Variants in MRPL4 observed in about 807,000 individuals in gnomAD.
MRPL4 encodes the protein mitochondrial ribosomal protein L4, also known as large ribosomal subunit protein uL4m.
MRPL4 carries 34 observed loss-of-function variants against 34.1 expected under a neutral mutation model. That is an observed-to-expected ratio of 1.00 (90% CI 0.76 to 1.33). MRPL4 has a LOEUF of 1.33. MRPL4 is among the 40% of genes most tolerant of loss of function. The probability of loss-of-function intolerance (pLI) is 0.00; values close to 1 mark genes in which losing one functional copy is unlikely to be tolerated. For synonymous variants in MRPL4, 196 were observed against 188.3 expected (o/e 1.04, Z -0.33); for missense variants, 402 against 434.6 (o/e 0.92, Z 0.67).
Position 10,253,341 on chromosome 19 carries a change from T to C in MRPL4, c.275+640T>C, listed in dbSNP as rs1484053902. 4.0e-5 allele frequency among the ~76,000 whole-genome samples: 6 copies of C among 148,204 alleles called. No homozygotes were observed. In the South Asian group the frequency reaches 1.3e-3, roughly 32 times the overall value. On this transcript the variant is annotated intron_variant, in intron 3 of 8. Coordinates refer to ENST00000253099, the MANE Select transcript of MRPL4 (RefSeq NM_015956.3). ...AATACAAAAAAAAATTAGCCGGGCG[T>C]GGTGGCGGGCGTCTGTAGTCCCAGG...
intron 8 of MRPL4, chr19:10,259,166 C>T (rs1054692012): frequency 4.0e-6 from 5 of 1,262,040 alleles, no homozygotes; most frequent in Non-Finnish European, 5.0e-6. Context: ...TCTGTTCCTT[C>T]CACAGCCACA....
intron 4 of MRPL4, 80 bp downstream of exon 4, chr19:10,254,720 C>T (rs1432274769): frequency 6.6e-7 from 1 of 1,514,474 alleles, no homozygotes; most frequent in Non-Finnish European, 9.2e-7. Context: ...AAGCCCATCG[C>T]TGGGTTTTCT....
chr19:10,252,161 G>A (rs908828067), upstream of MRPL4: 43 of 1,413,850 alleles, frequency 3.0e-5, no homozygotes, highest in African/African-American at 4.5e-5. Flanking sequence ...AGTCGCGGCG[G>A]GTAGGGCGGC....
intron 3 of MRPL4, among the ~76,000 whole-genome samples, chr19:10,253,581 A>G (rs2145466644): frequency 6.6e-6 from 1 of 152,008 alleles, no homozygotes; most frequent in Non-Finnish European, 1.5e-5. Flanking sequence ...ACTTGAAACC[A>G]GGAGTTGCAG....
chr19:10,254,543 C>T (rs200487654), intron 3 of MRPL4, 46 bp from the exon 4 acceptor site: 18 of 1,605,532 alleles, frequency 1.1e-5, no homozygotes, highest in Admixed American at 3.4e-5. Flanking sequence ...GGGGTGGGAG[C>T]GTTTGAAGCA....
At chr19:10,258,748 G>A (rs190200515) in intron 8 of MRPL4, 63 bp downstream of exon 8, 20 of 1,613,442 alleles carry the variant, frequency 1.2e-5, no homozygotes, top group South Asian at 1.2e-4. Flanking sequence ...GAATCACAGC[G>A]GTTCAAATCC....
intron 8 of MRPL4, 111 bp downstream of exon 8, chr19:10,258,796 G>A (rs1462897076): frequency 2.8e-5 from 45 of 1,605,960 alleles, no homozygotes; most frequent in Admixed American, 1.7e-4. Context: ...CAGTGACCAC[G>A]CTCCCGGACC....
intron 8 of MRPL4, chr19:10,259,090 T>G: frequency 8.2e-7 from 1 of 1,216,694 alleles, no homozygotes; most frequent in South Asian, 3.8e-5. Flanking sequence ...AGAGCTAGAC[T>G]CTTGTCTCAA....
chr19:10,252,847 A>T, intron 3 of MRPL4, 146 bp downstream of exon 3: 1 of 1,167,074 alleles, frequency 8.6e-7, no homozygotes, highest in East Asian at 2.6e-5. Context: ...GGGAATGATG[A>T]CAGTTTCCCC....
Position 10,252,698 on chromosome 19 carries a change from C to G in MRPL4, c.272C>G (p.Pro91Arg). ...CACCCCGATGTTTTCGCCACCGCGC[C>G]CAGGTGAGCGAGGGCTGTAATGGTG... ...DLHPDVFATAPRLDILHQVAM... is the reference protein window; with the variant it reads ...DLHPDVFATARRLDILHQVAM... Residue 91 changes from proline (P) to arginine (R), a missense_variant, in exon 3 of 9, where the codon CCC (proline) becomes CGC (arginine). By Grantham distance (103) the Pro-to-Arg change is moderately radical. Coordinates refer to ENST00000253099, the MANE Select transcript of MRPL4 (RefSeq NM_015956.3). 6.2e-7 allele frequency: 1 copy of G among 1,601,588 alleles called. No homozygotes were observed. Among genetic ancestry groups the G allele is most frequent in the Non-Finnish European group, 8.5e-7 (1 of 1,179,490 alleles).
At position 10,252,284 on chromosome 19, in the gene MRPL4, G is replaced by C; in HGVS notation, c.31G>C (p.Ala11Pro). The change falls in exon 1 of 9, where the codon GCC (alanine) becomes CCC (proline). Residue 11 changes from alanine to proline, a missense_variant. Coordinates refer to ENST00000253099, the MANE Select transcript of MRPL4 (RefSeq NM_015956.3). ...GCAGTTCGTCCGGGCCGGGGCGCGG[G>C]CCTGGCTTCGGCCTACCGGCAGCCA... MLQFVRAGAR[A>P]WLRPTGSQGL... The C allele has an allele frequency of 6.2e-7, 1 of 1,609,228 alleles. No homozygotes were observed. Among genetic ancestry groups the C allele is most frequent in the Admixed American group, 1.7e-5 (1 of 58,330 alleles).
chr19:10,254,640 T>C lies in MRPL4; in HGVS notation c.327T>C (p.Ile109=). 1 of 1,613,924 alleles carries C rather than the reference T, an allele frequency of 6.2e-7. No individual in the cohort carries two copies. Among genetic ancestry groups the C allele is most frequent in the Non-Finnish European group, 8.5e-7 (1 of 1,179,868 alleles). ...TGTGGCAGAAGAACTTCAAGAGAAT[T>C]GTGAGTGCCTAAATGGAGCAAGGTG... ...VAMWQKNFKR[I]SYAKTKTRAE... The change falls in exon 4 of 9, where the codon ATT becomes ATC. Residue 109 remains isoleucine, a splice_region_variant and synonymous_variant. Coordinates refer to ENST00000253099, the MANE Select transcript of MRPL4 (RefSeq NM_015956.3).
rs765006030 is a variant in MRPL4, at chr19:10,258,216, C to T, written c.446-6C>T. On this transcript the variant is annotated splice_polypyrimidine_tract_variant and splice_region_variant and intron_variant, in intron 5 of 8. Transcript: ENST00000253099. ...CCTACCTGCTCACATGCCTCTGTCC[C>T]CGCAGGAGGTGTTGCCCATGGCCCC... The T allele has an allele frequency of 1.2e-6, 2 of 1,607,170 alleles. No individual in the cohort carries two copies. The highest frequency in any genetic ancestry group is 1.7e-5 in the Admixed American group (1 of 59,974).
Position 10,253,776 on chromosome 19 carries a change from A to T in MRPL4, c.276-813A>T, listed in dbSNP as rs552089174. Among the ~76,000 whole-genome samples, 654 of 145,344 alleles carry T rather than the reference A, an allele frequency of 4.5e-3. 3 individuals are homozygous for T. Among genetic ancestry groups the T allele is most frequent in the African/African-American group, 0.016 (626 of 38,902 alleles). On this transcript the variant is annotated intron_variant, in intron 3 of 8. Coordinates refer to ENST00000253099, the MANE Select transcript of MRPL4 (RefSeq NM_015956.3). Reference sequence around the variant, plus strand: ...TACTGCACTCCAGCCTGGGCGACAGAGACAGACTCCATCTCAAAAAAAAAA... The same window carrying T: ...TACTGCACTCCAGCCTGGGCGACAGTGACAGACTCCATCTCAAAAAAAAAA...
chr19:10,259,332 C>T, intron 8 of MRPL4: 2 of 1,386,800 alleles, frequency 1.4e-6, no homozygotes, highest in South Asian at 1.7e-5. Flanking sequence ...CGTCATTTGC[C>T]CTGGGTCTCC....
chr19:10,258,762 A>G (rs1452365811), intron 8 of MRPL4, 77 bp downstream of exon 8: 4 of 1,612,836 alleles, frequency 2.5e-6, no homozygotes, highest in Admixed American at 1.7e-5. Context: ...CAAATCCGGC[A>G]TCTGGTCGCT....
chr19:10,252,787 CT>C (rs2039807598), intron 3 of MRPL4, 86 bp downstream of exon 3: 4 of 1,503,246 alleles, frequency 2.7e-6, no homozygotes, highest in Non-Finnish European at 3.6e-6. Context: ...GGCTTGTACC[CT>C]TGGGAAAGTG....
chr19:10,255,909 G>T (rs936451401), intron 4 of MRPL4, among the ~76,000 whole-genome samples: 1 of 152,072 alleles, frequency 6.6e-6, no homozygotes, highest in African/African-American at 2.4e-5. Flanking sequence ...ACTTTGGGAG[G>T]CCAAGGCAGG....
intron 5 of MRPL4, 27 bp downstream of exon 5, chr19:10,256,852 G>A: frequency 2.5e-6 from 3 of 1,187,992 alleles, no homozygotes; most frequent in Non-Finnish European, 3.4e-6. Context: ...GAGGGGGCGG[G>A]GAGGGGTGGG....
Sources: allele counts gnomAD v4.1 joint callset (sites outside exome capture counted in the v4.1 genomes callset), GRCh38; gene constraint gnomAD v4.1.1; transcripts MANE v1.5; gene names NCBI Gene and HGNC (gene_info 2026-07-23, HGNC 2026-07-21).